The following NXPE1 variants were observed in gnomAD, a reference collection of about 807,000 sequenced individuals.
NXPE1 encodes the protein NXPE family member 1.
NXPE1 carries 31 observed loss-of-function variants against 33.3 expected under a neutral mutation model. The observed-to-expected ratio is 0.93, with a 90% CI of 0.70 to 1.26. The LOEUF (loss-of-function observed/expected upper bound fraction) is 1.26. Ranked by LOEUF, NXPE1 falls within the 50% of genes most tolerant of loss-of-function variation. The pLI is 0.00. For missense variants in NXPE1, 661 were observed against 655.6 expected, an observed-to-expected ratio of 1.01 and a Z score of -0.09; for synonymous variants, 229 against 231.4, an observed-to-expected ratio of 0.99 and a Z score of 0.09.
At chr11:114,522,421 T>C in exon 9 of NXPE1, 3 of 1,614,074 alleles carry the variant, frequency 1.9e-6, no homozygotes, top group Non-Finnish European at 2.5e-6. Context: ...GTTTTTTCCA[T>C]TGAATCTGAG....
Position 114,548,375 on chromosome 11 carries a change from G to T in NXPE1, c.99+2728C>A, listed in dbSNP as rs1382833919. Among the ~76,000 whole-genome samples the T allele has an allele frequency of 2.6e-5, 4 of 152,038 alleles. No individual in the cohort carries two copies. The East Asian group carries it at 7.7e-4, about 29-fold the overall frequency. The stretch of plus-strand genomic sequence containing the variant: ...TCTAATAATAGAGAATATAACTTTA[G>T]AGGAACATATGAAACCTTTACAAAT... On this transcript the variant is annotated intron_variant, in intron 5 of 8. Coordinates refer to ENST00000534921, the Ensembl canonical transcript of NXPE1.
intron 5 of NXPE1, among the ~76,000 whole-genome samples, chr11:114,534,656 G>A (rs545069355): frequency 2.6e-5 from 4 of 152,300 alleles, no homozygotes; most frequent in African/African-American, 9.6e-5. Context: ...TTCAGTAACC[G>A]ATGTGATCAA....
intron 1 of NXPE1, chr11:114,554,042 TC>T: frequency 1.0e-6 from 1 of 985,506 alleles, no homozygotes. Context: ...CTTTTTCTTC[TC>T]CCCATCTTTG....
chr11:114,519,872 C>T (rs1947170807), downstream of NXPE1, among the ~76,000 whole-genome samples: 1 of 152,006 alleles, frequency 6.6e-6, no homozygotes, highest in Admixed American at 6.6e-5. Context: ...ACATATTCCT[C>T]ACTGCACAAT....
In NXPE1 at chr11:114,539,856, T is replaced by C. The variant is rs538787257; in HGVS notation, c.100-8948A>G. Among the ~76,000 whole-genome samples the C allele has an allele frequency of 2.6e-5, 4 of 152,220 alleles. No homozygotes were observed. The East Asian group carries it at 7.7e-4, about 29-fold the overall frequency. ...ATGGTACCATCAGAAATCAGAAAAT[T>C]ATATTTCGTAAATTGTATCAAGAAA... On this transcript the variant is annotated intron_variant, in intron 5 of 8. Transcript: ENST00000534921.
chr11:114,523,621 A>G (rs1947282456), intron 7 of NXPE1, among the ~76,000 whole-genome samples: 2 of 152,234 alleles, frequency 1.3e-5, no homozygotes, highest in Admixed American at 1.3e-4. Flanking sequence ...GCTAAAAGCA[A>G]CATGCAACAT....
intron 1 of NXPE1, among the ~76,000 whole-genome samples, chr11:114,555,809 A>G (rs1336974395): frequency 6.6e-6 from 1 of 152,134 alleles, no homozygotes; most frequent in Non-Finnish European, 1.5e-5. Context: ...GGCTTCTTGG[A>G]CTTATGATTA....
Position 114,522,875 on chromosome 11 carries a change from C to A in NXPE1, c.1108+4G>T. 1 of 1,594,186 alleles carries A rather than the reference C, an allele frequency of 6.3e-7. No homozygotes were observed. Among genetic ancestry groups the A allele is most frequent in the Non-Finnish European group, 8.6e-7 (1 of 1,162,222 alleles). ...TTCTAAGAGAATATAAAGTAACTAC[C>A]TACTTTTTACAACTTTGGGGAAGTA... On this transcript the variant is annotated splice_donor_region_variant and intron_variant, in intron 8 of 8. Transcript: ENST00000534921.
chr11:114,519,225 C>CT (rs1338236655), downstream of NXPE1, among the ~76,000 whole-genome samples: 1 of 137,966 alleles, frequency 7.2e-6, no homozygotes, highest in Non-Finnish European at 1.5e-5. Flanking sequence ...ATGCTTTCCC[C>CT]CCGTTTGGCA....
At chr11:114,520,650 A>C (rs555474414), downstream of NXPE1, among the ~76,000 whole-genome samples, 8 of 152,326 alleles carry the variant, frequency 5.3e-5, no homozygotes, top group South Asian at 1.7e-3. Flanking sequence ...GCTGGGTCAT[A>C]TGGTAGTTCT....
chr11:114,547,053 C>G (rs1000291564), intron 5 of NXPE1, among the ~76,000 whole-genome samples: 4 of 152,190 alleles, frequency 2.6e-5, no homozygotes, highest in Admixed American at 6.5e-5. Flanking sequence ...TCTCCCCACT[C>G]AAGGAGATGG....
chr11:114,530,396 A>G (rs1228833596), exon 6 of NXPE1: 1 of 1,614,080 alleles, frequency 6.2e-7, no homozygotes, highest in African/African-American at 1.3e-5. Context: ...TGCCTTTGAA[A>G]ATAATTTTAT....
intron 1 of NXPE1, chr11:114,554,444 T>A (rs554048458): frequency 1.1e-6 from 1 of 915,600 alleles, no homozygotes; most frequent in Admixed American, 6.2e-5. Context: ...CATGGGCCCT[T>A]TGATAATCAG....
chr11:114,537,575 C>T (rs757081723), intron 5 of NXPE1, among the ~76,000 whole-genome samples: 37 of 152,290 alleles, frequency 2.4e-4, no homozygotes, highest in Non-Finnish European at 1.8e-4. Flanking sequence ...TAAGCAACTT[C>T]AGCAAAGTCT....
At chr11:114,550,080 A>C (rs1358733178) in intron 5 of NXPE1, among the ~76,000 whole-genome samples, 1 of 152,144 alleles carries the variant, frequency 6.6e-6, no homozygotes, top group East Asian at 1.9e-4. Flanking sequence ...GAACAAATGT[A>C]AAGGAAACCA....
chr11:114,520,140 T>A (rs1403448441), downstream of NXPE1, among the ~76,000 whole-genome samples: 4 of 152,178 alleles, frequency 2.6e-5, no homozygotes, highest in Non-Finnish European at 5.9e-5. Flanking sequence ...ACCTAAAATC[T>A]AGTCTCTCAG....
Position 114,539,497 on chromosome 11 carries a change from TA to T in NXPE1, c.100-8590del, listed in dbSNP as rs1947999593. ...AATGGAGGTATTTTGAAAACTCTTT[TA>T]AGGATATTTTTTAAAGGTCTGAATG... On this transcript the variant is annotated intron_variant, in intron 5 of 8. Transcript: ENST00000534921. 5.3e-5 allele frequency among the ~76,000 whole-genome samples: 8 copies of T among 152,312 alleles called. No individual in the cohort carries two copies. In the South Asian group the frequency reaches 1.7e-3, roughly 32 times the overall value.
chr11:114,551,174 T>G lies in NXPE1; in HGVS notation c.28A>C (p.Thr10Pro), dbSNP rs112872873. ...GAAAAAGAGATCAAGATCAGCAGCG[T>G]TTTTTGAAGCATTGTATTTGAGGAC... Residue 10 changes from threonine to proline, a missense_variant, in exon 5 of 9, where the codon ACG becomes CCG. Coordinates refer to ENST00000534921, the Ensembl canonical transcript of NXPE1. 483 of 1,534,964 alleles carry G rather than the reference T, an allele frequency of 3.1e-4. 1 individual carries two copies. The African/African-American group carries it at 6.2e-3, about 20-fold the overall frequency.
intron 5 of NXPE1, among the ~76,000 whole-genome samples, chr11:114,545,895 T>A (rs1244514516): frequency 6.6e-6 from 1 of 152,074 alleles, no homozygotes; most frequent in Non-Finnish European, 1.5e-5. Flanking sequence ...GTCACCATGT[T>A]GGCCAGGATG....
Sources: allele counts gnomAD v4.1 joint callset (sites outside exome capture counted in the v4.1 genomes callset), GRCh38; gene constraint gnomAD v4.1.1; transcripts MANE v1.5; gene names NCBI Gene and HGNC (gene_info 2026-07-23, HGNC 2026-07-21).